Variants in NDRG1 observed in about 807,000 individuals in gnomAD.
NDRG1 encodes the protein N-myc downstream regulated 1.
A neutral mutation model predicts 56.9 loss-of-function variants in NDRG1; 32 were observed. The ratio of observed to expected loss-of-function variants is 0.56; its 90% confidence interval spans 0.42 to 0.76. NDRG1 has a LOEUF of 0.76. NDRG1 is among the 30% of genes least tolerant of loss of function. NDRG1 has a pLI of 0.00. For synonymous variants in NDRG1, 211 were observed against 204.1 expected, an observed-to-expected ratio of 1.03 and a Z score of -0.29; for missense variants, 507 against 545.7, an observed-to-expected ratio of 0.93 and a Z score of 0.71.
intron 3 of NDRG1, among the ~76,000 whole-genome samples, chr8:133,277,585 T>A (rs1857523055): frequency 2.0e-5 from 3 of 152,014 alleles, no homozygotes; most frequent in Non-Finnish European, 2.9e-5. Flanking sequence ...TAAAAATAAA[T>A]AAATACAGTT....
intron 3 of NDRG1, among the ~76,000 whole-genome samples, chr8:133,278,887 C>CT (rs34187643): frequency 0.036 from 4,465 of 125,552 alleles, 133 homozygotes; most frequent in South Asian, 0.049. Flanking sequence ...CTCTCTTCTT[C>CT]TTTTTTTTTT....
rs1856822376 is a variant in NDRG1, at chr8:133,264,608, C to A, written c.144G>T (p.Leu48=). 1.2e-6 allele frequency: 2 copies of A among 1,614,100 alleles called. No individual in the cohort carries two copies. Among genetic ancestry groups the A allele is most frequent in the African/African-American group, 1.3e-5 (1 of 74,928 alleles). The change falls in exon 4 of 16, where the codon CTG becomes CTT. Residue 48 remains leucine, a synonymous_variant. Coordinates refer to ENST00000323851, the MANE Select transcript of NDRG1 (RefSeq NM_006096.4). ...GCCGGTTTCCCTTGGGAGTCCCACA[C>A]AGCGTGACGTGAACAGAGCCATGTA... ...ETLHGSVHVT[L]CGTPKGNRPV... is the part of the protein sequence containing the mutation.
intron 1 of NDRG1, among the ~76,000 whole-genome samples, chr8:133,294,672 G>GGT (rs61067121): frequency 0.16 from 16,952 of 107,358 alleles, 1,164 homozygotes; most frequent in African/African-American, 0.35. Flanking sequence ...CTTCTGTCAT[G>GGT]GGGGGGGGGC....
At chr8:133,278,883 TCTTC>T (rs1857607821) in intron 3 of NDRG1, among the ~76,000 whole-genome samples, 2 of 139,652 alleles carry the variant, frequency 1.4e-5, no homozygotes, top group East Asian at 2.0e-4. Context: ...CTGTCTCTCT[TCTTC>T]TTTTTTTTTT....
At chr8:133,239,697 A>G (rs538203285) in intron 15 of NDRG1, 1 of 167,308 alleles carries the variant, frequency 6.0e-6, no homozygotes, top group East Asian at 1.6e-4. Flanking sequence ...TGAGACCTCA[A>G]ATGCTCTTGC....
At chr8:133,273,511 C>T (rs1456031891) in intron 3 of NDRG1, among the ~76,000 whole-genome samples, 2 of 152,220 alleles carry the variant, frequency 1.3e-5, no homozygotes, top group Admixed American at 6.5e-5. Flanking sequence ...GGATACCTCC[C>T]TCAACAAGGT....
intron 3 of NDRG1, among the ~76,000 whole-genome samples, chr8:133,269,304 C>G (rs893020700): frequency 3.9e-5 from 6 of 152,166 alleles, no homozygotes; most frequent in Admixed American, 3.3e-4. Context: ...AGGACCAGGC[C>G]ACAGAAGACC....
intron 3 of NDRG1, among the ~76,000 whole-genome samples, chr8:133,271,951 T>C (rs181831563): frequency 9.1e-4 from 138 of 152,226 alleles, no homozygotes; most frequent in Admixed American, 2.5e-3. Flanking sequence ...ATGACAGCCA[T>C]TGAACAGCCT....
At chr8:133,252,060 T>C (rs1315232552) in intron 9 of NDRG1, among the ~76,000 whole-genome samples, 1 of 152,214 alleles carries the variant, frequency 6.6e-6, no homozygotes, top group Non-Finnish European at 1.5e-5. Context: ...ATCGGAGTTC[T>C]AGACTCAGAG....
chr8:133,295,185 G>A (rs1019530624), intron 1 of NDRG1, among the ~76,000 whole-genome samples: 9 of 152,274 alleles, frequency 5.9e-5, no homozygotes, highest in Middle Eastern at 3.4e-3. Context: ...TACCTCGCCC[G>A]AAACTCAACC....
chr8:133,271,377 C>T (rs554074241), intron 3 of NDRG1, among the ~76,000 whole-genome samples: 275 of 152,208 alleles, frequency 1.8e-3, no homozygotes, highest in Non-Finnish European at 3.2e-3. Flanking sequence ...AACAGAGGCT[C>T]AAGAGAGAAT....
intron 7 of NDRG1, among the ~76,000 whole-genome samples, chr8:133,257,310 CACACACAG>C (rs1447712952): frequency 3.6e-5 from 4 of 110,916 alleles, no homozygotes; most frequent in Admixed American, 2.0e-4. Flanking sequence ...CACACACACA[CACACACAG>C]AGAGAGAGAC....
In NDRG1 at chr8:133,248,713, A is replaced by G. The variant is rs1448698875; in HGVS notation, c.755+2T>C. 1 of 1,614,052 alleles carries G rather than the reference A, an allele frequency of 6.2e-7. No individual in the cohort carries two copies. Among genetic ancestry groups the G allele is most frequent in the Non-Finnish European group, 8.5e-7 (1 of 1,180,040 alleles). On this transcript the variant is annotated splice_donor_variant, in intron 11 of 15. Transcript: ENST00000323851. LOFTEE classifies it high-confidence loss of function. ...GTGCTGGGGGAGAGAAAAGCCACTC[A>G]CTGCAGGGTGACTGTGTGGGTTCCC...
intron 3 of NDRG1, among the ~76,000 whole-genome samples, 161 bp downstream of exon 3, chr8:133,280,071 T>A (rs1857696512): frequency 6.6e-6 from 1 of 152,172 alleles, no homozygotes; most frequent in Non-Finnish European, 1.5e-5. Flanking sequence ...TCAGCTTCTG[T>A]CTGGGAGCAG....
intron 2 of NDRG1, among the ~76,000 whole-genome samples, chr8:133,280,745 T>C (rs1857750523): frequency 6.6e-6 from 1 of 152,100 alleles, no homozygotes; most frequent in Admixed American, 6.5e-5. Context: ...GAGACTTTCC[T>C]TTTCATCTCA....
intron 5 of NDRG1, among the ~76,000 whole-genome samples, chr8:133,260,101 C>T (rs1403417532): frequency 2.6e-5 from 4 of 152,188 alleles, no homozygotes; most frequent in Non-Finnish European, 5.9e-5. Flanking sequence ...CAATTTGGAG[C>T]CAGCAGCTCC....
At chr8:133,260,530 A>G (rs1856609727) in intron 5 of NDRG1, among the ~76,000 whole-genome samples, 2 of 152,186 alleles carry the variant, frequency 1.3e-5, no homozygotes, top group South Asian at 4.1e-4. Flanking sequence ...AGGCCTCAGA[A>G]TATTTGTAAA....
intron 11 of NDRG1, 54 bp from the exon 12 acceptor site, chr8:133,247,980 C>T: frequency 6.3e-7 from 1 of 1,581,036 alleles, no homozygotes; most frequent in Non-Finnish European, 8.7e-7. Context: ...AAAGATTGTC[C>T]CACTCCCAGG....
Position 133,246,631 on chromosome 8 carries a change from C to T in NDRG1, c.840G>A (p.Lys280=), listed in dbSNP as rs1189501705. ...TTCCCTGTACCTTGAGGAGAGTGGT[C>T]TTTGTTGGGTCCAATTTTGAGTTGC... The part of the protein sequence containing the change: ...VECNSKLDPT[K]TTLLKMADCG... Residue 280 remains lysine, a synonymous_variant, in exon 13 of 16, where the codon AAG becomes AAA. Transcript: ENST00000323851. 6.2e-7 allele frequency: 1 copy of T among 1,614,176 alleles called. No individual in the cohort carries two copies. The highest frequency in any genetic ancestry group is 1.7e-5 in the Admixed American group (1 of 60,024).
Sources: allele counts gnomAD v4.1 joint callset (sites outside exome capture counted in the v4.1 genomes callset), GRCh38; gene constraint gnomAD v4.1.1; transcripts MANE v1.5; gene names NCBI Gene and HGNC (gene_info 2026-07-23, HGNC 2026-07-21).